Variants in OPRM1 observed in about 807,000 individuals in gnomAD.
OPRM1 encodes mu-type opioid receptor.
In OPRM1, 27 loss-of-function variants were observed where a neutral mutation model predicts 31.8. That is an observed-to-expected ratio of 0.85 (90% CI 0.63 to 1.17). The LOEUF is 1.17. Ranked by LOEUF, OPRM1 falls within the 50% of genes most tolerant of loss-of-function variation. The pLI is 0.00. For synonymous variants in OPRM1, 196 were observed against 189.9 expected (o/e 1.03, Z -0.26); for missense variants, 536 against 511.1 (o/e 1.05, Z -0.47).
At chr6:154,110,835 A>T (rs964486819) in intron 3 of OPRM1, among the ~76,000 whole-genome samples, 1 of 141,818 alleles carries the variant, frequency 7.1e-6, no homozygotes, top group Non-Finnish European at 1.5e-5. Context: ...TGCAGTGAGC[A>T]GAGATCGCGC....
rs1797931519 is a variant in OPRM1 at position 154,132,108 on chromosome 6, C to T, written c.*13387C>T. On this transcript the variant is annotated 3_prime_UTR_variant, in exon 4 of 4. Coordinates refer to ENST00000330432, the MANE Select transcript of OPRM1 (RefSeq NM_000914.5). ...CTTTCAAAAGAACTACCTGCTAAAT[C>T]ATAATGGTCTCATGTGCAGATCAAA... Among the ~76,000 whole-genome samples, 1 of 152,114 alleles carries T rather than the reference C, an allele frequency of 6.6e-6. No homozygotes were observed. Among genetic ancestry groups the T allele is most frequent in the African/African-American group, 2.4e-5 (1 of 41,438 alleles).
At chr6:154,152,136 C>T (rs1369030732) in intron 3 of OPRM1, among the ~76,000 whole-genome samples, 2 of 134,656 alleles carry the variant, frequency 1.5e-5, no homozygotes, top group African/African-American at 5.7e-5. Flanking sequence ...AAGATCGCGC[C>T]ACTGCACTCC....
intron 3 of OPRM1, chr6:154,199,617 T>A (rs543049706): frequency 6.7e-7 from 1 of 1,494,430 alleles, no homozygotes; most frequent in East Asian, 2.3e-5. Flanking sequence ...CAGTTCCATA[T>A]ACAAACAAAT....
At chr6:154,232,398 AGCATAT>A (rs1414820374) in intron 3 of OPRM1, among the ~76,000 whole-genome samples, 4 of 152,354 alleles carry the variant, frequency 2.6e-5, no homozygotes, top group Admixed American at 6.5e-5. Flanking sequence ...TTGAGCGCTA[AGCATAT>A]GCCAGTGAGG....
At chr6:154,231,195 T>C (rs1230458446) in intron 3 of OPRM1, among the ~76,000 whole-genome samples, 4 of 152,188 alleles carry the variant, frequency 2.6e-5, no homozygotes, top group Non-Finnish European at 5.9e-5. Context: ...ATCTGAATTA[T>C]ATTCTTTAAA....
intron 1 of OPRM1, 68 bp downstream of exon 1, chr6:154,039,902 C>G (rs141380322): frequency 1.4e-6 from 2 of 1,397,866 alleles, no homozygotes; most frequent in Non-Finnish European, 1.9e-6. Context: ...AGACACCTAA[C>G]TCCCAAGGCT....
intron 3 of OPRM1, among the ~76,000 whole-genome samples, chr6:154,099,348 C>CGA (rs58655710): frequency 0.59 from 73,642 of 124,790 alleles, 21,205 homozygotes; most frequent in East Asian, 0.86. Flanking sequence ...AGGAAGAGAG[C>CGA]GAGAGAGAGA....
At chr6:154,117,157 G>A (rs1796965701) in intron 3 of OPRM1, among the ~76,000 whole-genome samples, 1 of 152,118 alleles carries the variant, frequency 6.6e-6, no homozygotes, top group South Asian at 2.1e-4. Context: ...CACCATTTGG[G>A]CCAGAATATT....
Position 154,130,362 on chromosome 6 carries a change from G to T in OPRM1, c.*11641G>T, listed in dbSNP as rs550801012. 6.6e-6 allele frequency among the ~76,000 whole-genome samples: 1 copy of T among 151,916 alleles called. No homozygotes were observed. Among genetic ancestry groups the T allele is most frequent in the East Asian group, 1.9e-4 (1 of 5,158 alleles). On this transcript the variant is annotated 3_prime_UTR_variant, in exon 4 of 4. Coordinates refer to ENST00000330432, the MANE Select transcript of OPRM1 (RefSeq NM_000914.5). ...TTTTTGTATTTTTAGTAGAGATGGG[G>T]TTTCACCACGTTAGCCAGGATGGTT... is the stretch of plus-strand genomic sequence containing the variant.
intron 3 of OPRM1, chr6:154,160,067 G>A (rs769660050): frequency 1.6e-5 from 25 of 1,547,628 alleles, no homozygotes; most frequent in South Asian, 2.3e-5. Context: ...AAAGGGGAAG[G>A]GGGTATGTTG....
intron 1 of OPRM1, among the ~76,000 whole-genome samples, chr6:154,059,256 CTCTAGGATAACTCAA>C (rs550115267): frequency 5.5e-4 from 84 of 152,308 alleles, no homozygotes; most frequent in South Asian, 1.7e-3. Context: ...GACCTTTTGT[CTCTAGGATAACTCAA>C]TCTAGGTCTG....
At chr6:154,175,493 A>G (rs1800242376) in intron 3 of OPRM1, among the ~76,000 whole-genome samples, 1 of 152,076 alleles carries the variant, frequency 6.6e-6, no homozygotes, top group African/African-American at 2.4e-5. Context: ...AGGGGATATC[A>G]CCACCAATCC....
At chr6:154,191,538 G>T (rs900373240) in intron 3 of OPRM1, among the ~76,000 whole-genome samples, 4 of 152,050 alleles carry the variant, frequency 2.6e-5, no homozygotes, top group Non-Finnish European at 5.9e-5. Context: ...GCTGGGCATG[G>T]TGGCGAGCGC....
chr6:154,107,540 T>G (rs1288650687), intron 3 of OPRM1: 1 of 718,602 alleles, frequency 1.4e-6, no homozygotes. Flanking sequence ...GCAGTCTCCA[T>G]TTCCCTTCCC....
chr6:154,126,287 C>T lies in OPRM1; in HGVS notation c.*7566C>T, dbSNP rs1188282915. On this transcript the variant is annotated 3_prime_UTR_variant, in exon 4 of 4. Transcript: ENST00000330432. Reference sequence around the variant, plus strand: ...ATATTCACTGAACAACATGAGTGAGCTTCATTAATTTAAGCACAGCAAAAC... The same window carrying T: ...ATATTCACTGAACAACATGAGTGAGTTTCATTAATTTAAGCACAGCAAAAC... Among the ~76,000 whole-genome samples, 1 of 152,162 alleles carries T rather than the reference C, an allele frequency of 6.6e-6. No individual in the cohort carries two copies.
chr6:154,152,470 C>A (rs1798564882), intron 3 of OPRM1, among the ~76,000 whole-genome samples: 1 of 152,092 alleles, frequency 6.6e-6, no homozygotes, highest in African/African-American at 2.4e-5. Flanking sequence ...TCAACAGCAA[C>A]ATCCACTCAG....
intron 1 of OPRM1, among the ~76,000 whole-genome samples, chr6:154,011,300 G>A (rs1385873573): frequency 1.3e-5 from 2 of 152,046 alleles, no homozygotes; most frequent in African/African-American, 2.4e-5. Context: ...AAATTATTTC[G>A]GAGTTCCTAT....
intron 3 of OPRM1, among the ~76,000 whole-genome samples, chr6:154,241,128 C>T (rs1186677510): frequency 2.0e-5 from 3 of 150,990 alleles, no homozygotes; most frequent in Non-Finnish European, 4.4e-5. Flanking sequence ...CCCAGCTACT[C>T]AGGAGGCTGA....
intron 3 of OPRM1, among the ~76,000 whole-genome samples, chr6:154,216,670 C>G (rs1778420116): frequency 6.6e-6 from 1 of 152,136 alleles, no homozygotes; most frequent in African/African-American, 2.4e-5. Context: ...GAGTTGGAGA[C>G]CAGCCTGACC....
Sources: gnomAD v4.1 joint callset for allele counts (sites outside exome capture counted in the v4.1 genomes callset) on GRCh38, gnomAD v4.1.1 for gene constraint, MANE v1.5 for transcripts, NCBI Gene and HGNC (gene_info 2026-07-23, HGNC 2026-07-21) for gene names.